RASGEF1C: variants seen among roughly 807,000 people sequenced by gnomAD.
The protein encoded by RASGEF1C is ras-GEF domain-containing family member 1C.
RASGEF1C carries 27 observed loss-of-function variants against 58.1 expected under a neutral mutation model. The observed-to-expected ratio is 0.46, with a 90% confidence interval of 0.34 to 0.64. The LOEUF (loss-of-function observed/expected upper bound fraction) is 0.64, where lower values mean the gene tolerates loss of function less well. Ranked by LOEUF, RASGEF1C falls within the 30% of genes least tolerant of loss-of-function variation. The pLI, the probability that RASGEF1C is intolerant of heterozygous loss-of-function variation, is 0.01. For missense variants in RASGEF1C, 502 were observed against 605.1 expected (o/e 0.83, Z 1.79); for synonymous variants, 243 against 246.3 (o/e 0.99, Z 0.13).
chr5:180,130,619 G>A (rs943500034), intron 4 of RASGEF1C, among the ~76,000 whole-genome samples: 1 of 152,190 alleles, frequency 6.6e-6, no homozygotes, highest in Non-Finnish European at 1.5e-5. Flanking sequence ...GCCAGTGGCC[G>A]TTTCTCAGGC....
chr5:180,150,604 C>T (rs530795306), intron 1 of RASGEF1C, among the ~76,000 whole-genome samples: 26 of 151,928 alleles, frequency 1.7e-4, no homozygotes, highest in Non-Finnish European at 3.1e-4. Context: ...CTGAGGTAGG[C>T]GGATCACCTG....
chr5:180,136,364 G>T lies in RASGEF1C; in HGVS notation c.438+14C>A, dbSNP rs776844299. On this transcript the variant is annotated intron_variant, in intron 4 of 13. Transcript: ENST00000361132. Reference sequence around the variant, plus strand: ...AGGGACCCAGGGTGACGCGACCCCCGCCCAGCTGCCCACCTCGTCACAGGG... The same window carrying T: ...AGGGACCCAGGGTGACGCGACCCCCTCCCAGCTGCCCACCTCGTCACAGGG... 1 of 1,550,682 alleles carries T rather than the reference G, an allele frequency of 6.4e-7. No homozygotes were observed. The highest frequency in any genetic ancestry group is 1.4e-5 in the African/African-American group (1 of 73,198).
chr5:180,150,394 C>T (rs75083166), intron 1 of RASGEF1C, among the ~76,000 whole-genome samples: 142 of 152,252 alleles, frequency 9.3e-4, no homozygotes, highest in African/African-American at 3.3e-3. Flanking sequence ...TGTTGATTTA[C>T]TTATTTTTCC....
intron 1 of RASGEF1C, among the ~76,000 whole-genome samples, chr5:180,206,471 G>A (rs770307810): frequency 2.0e-5 from 3 of 152,200 alleles, no homozygotes; most frequent in Non-Finnish European, 4.4e-5. Flanking sequence ...TGGGGAAACA[G>A]AAGACACTGT....
intron 1 of RASGEF1C, among the ~76,000 whole-genome samples, chr5:180,148,299 C>T (rs907778008): frequency 1.3e-5 from 2 of 152,062 alleles, no homozygotes; most frequent in Admixed American, 1.3e-4. Context: ...ATCCATTCTG[C>T]CAATCTTTGT....
intron 1 of RASGEF1C, among the ~76,000 whole-genome samples, chr5:180,163,629 G>C (rs889296419): frequency 6.6e-6 from 1 of 152,074 alleles, no homozygotes; most frequent in Admixed American, 6.5e-5. Context: ...CCACTTGGTC[G>C]TGGTATATCT....
At chr5:180,136,620 C>CGT in intron 3 of RASGEF1C, 105 bp from the exon 4 acceptor site, 1 of 1,306,300 alleles carries the variant, frequency 7.7e-7, no homozygotes, top group Non-Finnish European at 1.0e-6. Flanking sequence ...GGCAGGGCCT[C>CGT]GTGCCCTCTC....
chr5:180,102,044 A>T, intron 13 of RASGEF1C, 27 bp downstream of exon 13: 1 of 1,090,426 alleles, frequency 9.2e-7, no homozygotes, highest in African/African-American at 1.5e-5. Flanking sequence ...AGCAGCCCCC[A>T]GGCCCCACCT....
intron 10 of RASGEF1C, among the ~76,000 whole-genome samples, chr5:180,117,759 C>T (rs1363585028): frequency 1.3e-5 from 2 of 151,990 alleles, no homozygotes; most frequent in Non-Finnish European, 2.9e-5. Flanking sequence ...TTTGGGAGGT[C>T]GAGGCAGGGA....
chr5:180,144,558 G>T (rs1334759734), intron 1 of RASGEF1C, among the ~76,000 whole-genome samples: 2 of 152,062 alleles, frequency 1.3e-5, no homozygotes, highest in Non-Finnish European at 2.9e-5. Flanking sequence ...AGGATTGCTT[G>T]AGCCCAGGAA....
chr5:180,109,801 T>C (rs1351267048), intron 12 of RASGEF1C, among the ~76,000 whole-genome samples: 4 of 152,092 alleles, frequency 2.6e-5, no homozygotes, highest in African/African-American at 7.2e-5. Flanking sequence ...GGCCAGGAAA[T>C]AGATTCTCCT....
At chr5:180,140,049 T>A (rs1036477159) in intron 1 of RASGEF1C, among the ~76,000 whole-genome samples, 2 of 152,150 alleles carry the variant, frequency 1.3e-5, no homozygotes, top group African/African-American at 4.8e-5. Context: ...AGGCTGCCAC[T>A]TTAAAGAGAC....
chr5:180,167,039 A>T (rs1343867711), intron 1 of RASGEF1C, among the ~76,000 whole-genome samples: 1 of 151,922 alleles, frequency 6.6e-6, no homozygotes, highest in Non-Finnish European at 1.5e-5. Context: ...CTGGGCATGG[A>T]GTGTCTTTGT....
intron 6 of RASGEF1C, among the ~76,000 whole-genome samples, chr5:180,122,722 CAA>C (rs1333588708): frequency 1.7e-5 from 2 of 115,342 alleles, no homozygotes; most frequent in African/African-American, 3.2e-5. Context: ...GCCTGGGAAA[CAA>C]GAGCGAAACT....
intron 1 of RASGEF1C, among the ~76,000 whole-genome samples, chr5:180,138,776 G>T (rs969958951): frequency 1.3e-5 from 2 of 152,122 alleles, no homozygotes; most frequent in African/African-American, 4.8e-5. Flanking sequence ...ATTGCTCTTG[G>T]CACCAGCCAC....
intron 1 of RASGEF1C, among the ~76,000 whole-genome samples, chr5:180,194,503 G>A (rs1009297595): frequency 3.3e-5 from 5 of 152,178 alleles, no homozygotes; most frequent in Non-Finnish European, 5.9e-5. Context: ...CTCAAGTCCC[G>A]GGAGCAGCTG....
At chr5:180,157,032 G>A (rs924640490) in intron 1 of RASGEF1C, among the ~76,000 whole-genome samples, 2 of 152,208 alleles carry the variant, frequency 1.3e-5, no homozygotes, top group African/African-American at 4.8e-5. Context: ...TGGTAAGGAA[G>A]GGGAGCAGCA....
chr5:180,142,807 T>C (rs1766602138), intron 1 of RASGEF1C, among the ~76,000 whole-genome samples: 1 of 152,028 alleles, frequency 6.6e-6, no homozygotes, highest in Non-Finnish European at 1.5e-5. Context: ...TTTAGAGTCA[T>C]TCGTCCAAGC....
intron 1 of RASGEF1C, among the ~76,000 whole-genome samples, chr5:180,178,731 C>T (rs969453956): frequency 6.6e-6 from 1 of 152,224 alleles, no homozygotes; most frequent in Non-Finnish European, 1.5e-5. Flanking sequence ...CGGCTTTCCA[C>T]GCAGCAGACC....
Sources: gnomAD v4.1 joint callset for allele counts (sites outside exome capture counted in the v4.1 genomes callset) on GRCh38, gnomAD v4.1.1 for gene constraint, MANE v1.5 for transcripts, NCBI Gene and HGNC (gene_info 2026-07-23, HGNC 2026-07-21) for gene names.